The following SNX25 variants were observed in gnomAD, a reference collection of about 807,000 sequenced individuals.
SNX25 encodes the protein sorting nexin 25, also known as sorting nexin-25.
In SNX25, 62 loss-of-function variants were observed where a neutral mutation model predicts 113.7. The observed-to-expected ratio is 0.55, with a 90% CI of 0.44 to 0.67. SNX25 has a LOEUF of 0.67. SNX25 is among the 30% of genes least tolerant of loss of function. SNX25 has a pLI of 0.00. For synonymous variants in SNX25, 421 were observed against 436.2 expected, an observed-to-expected ratio of 0.97 and a Z score of 0.43; for missense variants, 1,014 against 1,161.0, an observed-to-expected ratio of 0.87 and a Z score of 1.84.
At chr4:185,340,860 C>T (rs768042331) in intron 11 of SNX25, among the ~76,000 whole-genome samples, 3 of 152,156 alleles carry the variant, frequency 2.0e-5, no homozygotes, top group Non-Finnish European at 4.4e-5. Flanking sequence ...GGGCACCTGA[C>T]GTCTAGAGCT....
At chr4:185,309,476 C>G (rs1754939589) in intron 6 of SNX25, among the ~76,000 whole-genome samples, 1 of 152,192 alleles carries the variant, frequency 6.6e-6, no homozygotes, top group South Asian at 2.1e-4. Flanking sequence ...GCCATATTGT[C>G]CAGAGTTGAG....
In SNX25 at chr4:185,247,384, G is replaced by A. The variant is rs1333875340; in HGVS notation, c.514+6G>A. 6.5e-6 allele frequency: 10 copies of A among 1,529,934 alleles called. No individual in the cohort carries two copies. The highest frequency in any genetic ancestry group is 9.1e-6 in the Non-Finnish European group (10 of 1,104,192). 94.8% of individuals were successfully genotyped at this position (1,529,934 alleles called of 1,614,324 possible). A position where few individuals can be genotyped will look rare whatever the true frequency, so the allele number is the denominator to read the frequency against. ...GGATAAAGCTCTGAAAGAAGGTAAG[G>A]ATTAAATGAGAGTATATAATTACCA... On this transcript the variant is annotated splice_donor_region_variant and intron_variant, in intron 2 of 18. Transcript: ENST00000652585.
intron 1 of SNX25, among the ~76,000 whole-genome samples, chr4:185,228,001 G>A (rs906290573): frequency 6.6e-6 from 1 of 152,184 alleles, no homozygotes; most frequent in Non-Finnish European, 1.5e-5. Flanking sequence ...AGAGGGAGCA[G>A]ATGGCCAACA....
At chr4:185,236,047 GCGGATGATCTAAGGT>G (rs1742577631) in intron 1 of SNX25, among the ~76,000 whole-genome samples, 1 of 152,236 alleles carries the variant, frequency 6.6e-6, no homozygotes, top group African/African-American at 2.4e-5. Flanking sequence ...AGTCTGGTGT[GCGGATGATCTAAGGT>G]CGGTTTCCGG....
intron 4 of SNX25, 30 bp downstream of exon 4, chr4:185,264,640 C>G (rs1443927091): frequency 6.2e-7 from 1 of 1,606,116 alleles, no homozygotes; most frequent in Non-Finnish European, 8.5e-7. Flanking sequence ...TTCACTAATT[C>G]AATAAGTGTG....
intron 13 of SNX25, among the ~76,000 whole-genome samples, chr4:185,350,990 T>G (rs1211193399): frequency 6.6e-6 from 1 of 152,256 alleles, no homozygotes; most frequent in Non-Finnish European, 1.5e-5. Context: ...CAAAGTTCTT[T>G]TTTTCAGCTG....
In SNX25 at chr4:185,267,088, C is replaced by T. The variant is rs1453488680; in HGVS notation, c.1024C>T (p.Pro342Ser). ...EHHKRAYTYA[P>S]SYEDFIKLIN... ...TCACAAGAGAGCCTACACCTATGCC[C>T]CCTCTTACGAGGACTTCATCAAGCT... The change falls in exon 5 of 19, where the codon CCC becomes TCC. Residue 342 changes from proline (P) to serine (S), a missense_variant. Physicochemically the swap from Pro to Ser is moderately conservative, Grantham distance 74 (BLOSUM62 -1). Transcript: ENST00000652585. 1.2e-6 allele frequency: 2 copies of T among 1,613,964 alleles called. No individual in the cohort carries two copies. Among genetic ancestry groups the T allele is most frequent in the South Asian group, 1.1e-5 (1 of 91,058 alleles).
rs552214134 is a variant in SNX25, at chr4:185,299,282, C to G, written c.1162+11200C>G. On this transcript the variant is annotated intron_variant, in intron 6 of 18. Coordinates refer to ENST00000652585, the MANE Select transcript of SNX25 (RefSeq NM_001378034.2). The stretch of plus-strand genomic sequence containing the variant: ...TGCACGTAGGTAGGTCAGATGAGAT[C>G]ATGTGCTCGTGCTTGATATGCAGTG... Among the ~76,000 whole-genome samples the G allele has an allele frequency of 4.6e-5, 7 of 152,258 alleles. No homozygotes were observed. The South Asian group carries it at 1.4e-3, about 32-fold the overall frequency.
At chr4:185,337,084 C>G (rs892313824) in intron 10 of SNX25, among the ~76,000 whole-genome samples, 1 of 152,046 alleles carries the variant, frequency 6.6e-6, no homozygotes, top group Admixed American at 6.5e-5. Context: ...ATGTATAGAT[C>G]ATGAAGATTT....
intron 1 of SNX25, among the ~76,000 whole-genome samples, chr4:185,237,785 A>G (rs1283063592): frequency 2.0e-5 from 3 of 151,508 alleles, no homozygotes; most frequent in Non-Finnish European, 4.4e-5. Context: ...CAGGCCGGGT[A>G]TGGTTGGTTG....
chr4:185,290,612 C>T (rs1030131717), intron 6 of SNX25, among the ~76,000 whole-genome samples: 4 of 151,514 alleles, frequency 2.6e-5, no homozygotes, highest in Non-Finnish European at 4.4e-5. Flanking sequence ...GTGCTTAATA[C>T]GAAATTTTAG....
rs551020880 is a variant in SNX25, at chr4:185,239,984, C to A, written c.430-7310C>A. Among the ~76,000 whole-genome samples, 483 of 150,590 alleles carry A rather than the reference C, an allele frequency of 3.2e-3. 4 individuals carry two copies. Among genetic ancestry groups the A allele is most frequent in the Non-Finnish European group, 4.6e-3 (308 of 67,572 alleles). ...GTGATGACTCTTAACGAGCATGCTTCCTTCAAGCATCTGTTTAACAAAGCA... is the reference window on the plus strand; with the variant it reads ...GTGATGACTCTTAACGAGCATGCTTACTTCAAGCATCTGTTTAACAAAGCA... On this transcript the variant is annotated intron_variant, in intron 1 of 18. Coordinates refer to ENST00000652585, the MANE Select transcript of SNX25 (RefSeq NM_001378034.2).
At chr4:185,219,144 C>T (rs1313421563) in intron 1 of SNX25, among the ~76,000 whole-genome samples, 1 of 152,198 alleles carries the variant, frequency 6.6e-6, no homozygotes, top group Non-Finnish European at 1.5e-5. Flanking sequence ...CTCAGTCCTC[C>T]AGAGCTGAAT....
intron 1 of SNX25, among the ~76,000 whole-genome samples, chr4:185,246,104 G>T (rs1425629403): frequency 6.6e-6 from 1 of 152,076 alleles, no homozygotes; most frequent in African/African-American, 2.4e-5. Flanking sequence ...TGGCCAACAT[G>T]GGAAAAACCC....
At chr4:185,335,573 C>T (rs1315281370) in intron 10 of SNX25, among the ~76,000 whole-genome samples, 1 of 152,144 alleles carries the variant, frequency 6.6e-6, no homozygotes, top group African/African-American at 2.4e-5. Context: ...TCACAGATCT[C>T]TGTACCAGCA....
chr4:185,344,778 A>AT (rs1172673042), intron 12 of SNX25, among the ~76,000 whole-genome samples: 2 of 152,142 alleles, frequency 1.3e-5, no homozygotes, highest in Admixed American at 6.5e-5. Flanking sequence ...CTCCAGAGTG[A>AT]TTTTTTAACC....
chr4:185,357,686 G>C lies in SNX25; in HGVS notation c.2600G>C (p.Arg867Thr). The change falls in exon 16 of 19, where the codon AGA (arginine) becomes ACA (threonine). Residue 867 changes from arginine to threonine, a missense_variant. Physicochemically the swap from Arg to Thr is moderately conservative, Grantham distance 71 (BLOSUM62 -1). Transcript: ENST00000652585. ...FELRGMFKWV[R>T]RTLIALVQVT... is the part of the protein sequence containing the mutation. ...TCTGTTTCAGTGTTTAAATGGGTGA[G>C]AAGAACATTAATTGCCCTCGTTCAG... 6.2e-7 allele frequency: 1 copy of C among 1,614,102 alleles called. No homozygotes were observed.
chr4:185,377,836 T>A, the SNX25 span: 1 of 381,536 alleles, frequency 2.6e-6, no homozygotes, highest in African/African-American at 2.1e-5. Context: ...TTCTGTTTTC[T>A]AGAAGCATGT....
chr4:185,360,284 A>G (rs1284904229), intron 16 of SNX25, among the ~76,000 whole-genome samples: 3 of 152,220 alleles, frequency 2.0e-5, no homozygotes, highest in African/African-American at 2.4e-5. Context: ...CAGTTCCAAG[A>G]AAGAGAAGAG....
Sources: allele counts gnomAD v4.1 joint callset (sites outside exome capture counted in the v4.1 genomes callset), GRCh38; gene constraint gnomAD v4.1.1; transcripts MANE v1.5; gene names NCBI Gene and HGNC (gene_info 2026-07-23, HGNC 2026-07-21).